CATSPER2: variants seen among roughly 807,000 people sequenced by gnomAD.
CATSPER2 encodes cation channel sperm-associated protein 2.
A neutral mutation model predicts 68.8 loss-of-function variants in CATSPER2; 56 were observed. The ratio of observed to expected loss-of-function variants is 0.81; its 90% CI spans 0.66 to 1.02. CATSPER2 has a LOEUF of 1.02. CATSPER2 is among the 50% of genes least tolerant of loss of function. The pLI is 0.00. For synonymous variants in CATSPER2, 198 were observed against 229.9 expected, an observed-to-expected ratio of 0.86 and a Z score of 1.26; for missense variants, 582 against 642.0, an observed-to-expected ratio of 0.91 and a Z score of 1.01.
intron 7 of CATSPER2, among the ~76,000 whole-genome samples, chr15:43,636,561 G>A (rs1165531525): frequency 6.7e-6 from 1 of 149,868 alleles, no homozygotes; most frequent in Non-Finnish European, 1.5e-5. Context: ...CAGCTAATTT[G>A]TGTATTTTTA....
chr15:43,633,606 T>C (rs2085913679), intron 10 of CATSPER2: 1 of 154,290 alleles, frequency 6.5e-6, no homozygotes, highest in African/African-American at 2.4e-5. Flanking sequence ...TTTGCTCACA[T>C]TACCTTTTCA....
intron 8 of CATSPER2, 93 bp downstream of exon 8, chr15:43,635,948 G>A: frequency 8.3e-7 from 1 of 1,205,338 alleles, no homozygotes; most frequent in Non-Finnish European, 1.2e-6. Flanking sequence ...GCTACACTAG[G>A]TTCTTTATAC....
At position 43,645,293 on chromosome 15, in the gene CATSPER2, C is replaced by T. The variant is rs1317767880; in HGVS notation, c.388+1757G>A. ...CTGGTCTCAAACTCCTGAGCTCAAGCGATCCTCCCGCCTCAGCCTCCCAAA... is the reference window on the plus strand; with the variant it reads ...CTGGTCTCAAACTCCTGAGCTCAAGTGATCCTCCCGCCTCAGCCTCCCAAA... On this transcript the variant is annotated intron_variant, in intron 4 of 12. Transcript: ENST00000396879. Among the ~76,000 whole-genome samples, 13 of 151,700 alleles carry T rather than the reference C, an allele frequency of 8.6e-5. No homozygotes were observed. In the East Asian group the frequency reaches 2.4e-3, roughly 27 times the overall value.
At chr15:43,639,120 A>AC in intron 6 of CATSPER2, 92 bp from the exon 7 acceptor site, 1 of 1,487,450 alleles carries the variant, frequency 6.7e-7, no homozygotes, top group Non-Finnish European at 9.3e-7. Context: ...TCCCCCACCA[A>AC]ACCCTCTCTT....
chr15:43,639,027 C>A lies in CATSPER2; in HGVS notation c.719G>T (p.Ser240Ile). ...CAGCAACATCAAGAGGAAGGTCATG[C>A]TCTAGAGGCCATAACTCTCATGTCA... ...IILVLVRALK[S>I]MTFLLMLLLI... Residue 240 changes from serine to isoleucine, a missense_variant and splice_region_variant, in exon 7 of 13, where the codon AGC (serine) becomes ATC (isoleucine). By Grantham distance (142) the Ser-to-Ile change is moderately radical. Around this residue, in one of 5 missense-constraint regions of CATSPER2, gnomAD observed 91 missense variants for 72.8 expected, o/e 1.25. Transcript: ENST00000396879. The A allele has an allele frequency of 4.3e-6, 7 of 1,612,058 alleles. No individual in the cohort carries two copies. The highest frequency in any genetic ancestry group is 5.9e-6 in the Non-Finnish European group (7 of 1,178,894).
intron 7 of CATSPER2, among the ~76,000 whole-genome samples, 198 bp downstream of exon 7, chr15:43,638,706 G>A (rs543629175): frequency 6.6e-6 from 1 of 151,926 alleles, no homozygotes; most frequent in African/African-American, 2.4e-5. Context: ...GAATAAACAT[G>A]GAACTAGCTG....
rs752292844 is a variant in CATSPER2, at chr15:43,635,785, T to C, written c.1063A>G (p.Met355Val). 4.3e-6 allele frequency: 7 copies of C among 1,613,406 alleles called. No individual in the cohort carries two copies. The South Asian group carries it at 4.4e-5, about 10-fold the overall frequency. The part of the protein sequence containing the change: ...QNIRKELNEE[M>V]ARREVQLKAD... The stretch of plus-strand genomic sequence containing the variant: ...TTGAGCTGAACCTCCCGACGCGCCA[T>C]CTCCTCATTCAGCTCTTTCCTGATA... Residue 355 changes from methionine to valine, a missense_variant, in exon 9 of 13, where the codon ATG becomes GTG. Coordinates refer to ENST00000396879, the MANE Select transcript of CATSPER2 (RefSeq NM_172095.4).
chr15:43,640,166 C>G, intron 5 of CATSPER2, 158 bp downstream of exon 5: 1 of 1,539,534 alleles, frequency 6.5e-7, no homozygotes, highest in African/African-American at 1.4e-5. Context: ...ACCAACAACT[C>G]CTGCAATGAT....
At chr15:43,648,336 A>AAAAAC (rs1263255133) in intron 1 of CATSPER2, among the ~76,000 whole-genome samples, 14 of 151,970 alleles carry the variant, frequency 9.2e-5, no homozygotes, top group South Asian at 2.1e-4. Flanking sequence ...AAAACTCATT[A>AAAAAC]AAAACAAAAC....
intron 4 of CATSPER2, among the ~76,000 whole-genome samples, chr15:43,645,819 A>G (rs2086153576): frequency 6.6e-6 from 1 of 151,950 alleles, no homozygotes; most frequent in Admixed American, 6.6e-5. Context: ...AGACTTCCCC[A>G]CAACAGTGAG....
At chr15:43,647,877 G>A (rs1319217942) in intron 2 of CATSPER2, 40 bp downstream of exon 2, 2 of 1,602,904 alleles carry the variant, frequency 1.2e-6, no homozygotes, top group South Asian at 2.2e-5. Flanking sequence ...ATGTGGATAG[G>A]AGTCTTAAAT....
chr15:43,638,399 C>T (rs1246878223), intron 7 of CATSPER2, among the ~76,000 whole-genome samples: 1 of 148,518 alleles, frequency 6.7e-6, no homozygotes, highest in African/African-American at 2.5e-5. Context: ...AGCAATTCTC[C>T]TGCCTCAGAC....
In CATSPER2 at chr15:43,639,656, A is replaced by G. The variant is rs1351829341; in HGVS notation, c.704T>C (p.Val235Ala). 5.0e-6 allele frequency: 8 copies of G among 1,612,890 alleles called. No homozygotes were observed. The highest frequency in any genetic ancestry group is 6.8e-6 in the Non-Finnish European group (8 of 1,179,572). ...RQIQIIILVL[V>A]RALKSMTFLL... ...CAGTCAAATCACCTTGAGGGCCCTG[A>G]CCAGGACCAAAATAATAATTTGAAT... The change falls in exon 6 of 13, where the codon GTC becomes GCC. Residue 235 changes from valine to alanine, a missense_variant. By Grantham distance (64) the Val-to-Ala change is moderately conservative. Coordinates refer to ENST00000396879, the MANE Select transcript of CATSPER2 (RefSeq NM_172095.4).
rs1191783026 is a variant in CATSPER2 at position 43,630,449 on chromosome 15, G to A, written c.*252C>T. The A allele has an allele frequency of 6.1e-6, 4 of 652,838 alleles. No homozygotes were observed. The highest frequency in any genetic ancestry group is 1.9e-5 in the African/African-American group (1 of 53,776). 40.4% of individuals were successfully genotyped at this position (652,838 alleles called of 1,614,324 possible). ...GGCTCACTGCAACCTCTGACTCCCA[G>A]GTTCAAGTGATTCTCCTGCCTCAGG... On this transcript the variant is annotated 3_prime_UTR_variant, in exon 13 of 13. Coordinates refer to ENST00000396879, the MANE Select transcript of CATSPER2 (RefSeq NM_172095.4).
Position 43,629,708 on chromosome 15 carries a change from G to A in CATSPER2, c.*993C>T, listed in dbSNP as rs1421035024. Reference sequence around the variant, plus strand: ...GGTGTTCCTGCTTTGATGGGAGATAGATTAACTCTGAAATCCCTTCTAACA... The same window carrying A: ...GGTGTTCCTGCTTTGATGGGAGATAAATTAACTCTGAAATCCCTTCTAACA... On this transcript the variant is annotated 3_prime_UTR_variant, in exon 13 of 13. Coordinates refer to ENST00000396879, the MANE Select transcript of CATSPER2 (RefSeq NM_172095.4). The A allele has an allele frequency of 2.0e-5, 3 of 150,880 alleles. No homozygotes were observed. The highest frequency in any genetic ancestry group is 4.2e-4 in the South Asian group (2 of 4,766). 9.3% of individuals were successfully genotyped at this position (150,880 alleles called of 1,614,324 possible). A position where few individuals can be genotyped will look rare whatever the true frequency, so the allele number is the denominator to read the frequency against.
In CATSPER2 at chr15:43,636,043, A is replaced by G; in HGVS notation, c.1019T>C (p.Met340Thr). ...AGTTTCACCTCCTCTATGCTTACCC[A>G]TCATGGCTACTATGATACTTCGAAA... ...IIFRSIIVAM[M>T]VTNFQNIRKE... is the part of the protein sequence containing the mutation. The change falls in exon 8 of 13, where the codon ATG becomes ACG. Residue 340 changes from methionine (M) to threonine (T), a missense_variant and splice_region_variant. Met to Thr is a moderately conservative substitution (Grantham distance 81). Transcript: ENST00000396879. The G allele has an allele frequency of 1.3e-6, 2 of 1,553,984 alleles. No individual in the cohort carries two copies. The highest frequency in any genetic ancestry group is 1.8e-6 in the Non-Finnish European group (2 of 1,129,390).
At chr15:43,648,540 G>C (rs2086216132) in intron 1 of CATSPER2, 89 bp downstream of exon 1, 2 of 1,244,458 alleles carry the variant, frequency 1.6e-6, no homozygotes, top group South Asian at 3.9e-5. Flanking sequence ...CTGACATTTT[G>C]AAAATGGGTC....
At chr15:43,631,397 A>AT (rs2085869127) in intron 12 of CATSPER2, 2 of 186,736 alleles carry the variant, frequency 1.1e-5, no homozygotes, top group South Asian at 1.3e-4. Flanking sequence ...CGTCCAGCTG[A>AT]TTTTTTGTAT....
chr15:43,648,081 G>C lies in CATSPER2; in HGVS notation c.-2-18C>G. ...GGCCATGTCTGCTAAGAAAATGTAA[G>C]CATCAAGTGTCATTTCATTCTTGGA... On this transcript the variant is annotated intron_variant, in intron 1 of 12. Transcript: ENST00000396879. The C allele has an allele frequency of 6.2e-7, 1 of 1,612,942 alleles. No individual in the cohort carries two copies. Among genetic ancestry groups the C allele is most frequent in the Non-Finnish European group, 8.5e-7 (1 of 1,179,196 alleles).
Sources: gnomAD v4.1 joint callset for allele counts (sites outside exome capture counted in the v4.1 genomes callset) on GRCh38, gnomAD v4.1.1 for gene constraint, gnomAD v4.1.1 regional missense constraint, MANE v1.5 for transcripts, NCBI Gene and HGNC (gene_info 2026-07-23, HGNC 2026-07-21) for gene names.